Variants in AQP11 observed in about 807,000 individuals in gnomAD.
AQP11 encodes aquaporin 11, also known as aquaporin-11.
A neutral mutation model predicts 21.1 loss-of-function variants in AQP11; 20 were observed. The ratio of observed to expected loss-of-function variants is 0.95; its 90% CI spans 0.67 to 1.38. The LOEUF (loss-of-function observed/expected upper bound fraction) is 1.38, where lower values mean the gene tolerates loss of function less well. Among genes scored for constraint, AQP11 ranks in the 40% most tolerant of loss-of-function variants. The pLI, the probability that AQP11 is intolerant of heterozygous loss-of-function variation, is 0.00. For synonymous variants in AQP11, 167 were observed against 150.1 expected (o/e 1.11, Z -0.82); for missense variants, 339 against 340.4 (o/e 1.00, Z 0.03).
intron 1 of AQP11, among the ~76,000 whole-genome samples, chr11:77,594,885 C>T (rs1190687527): frequency 4.7e-5 from 7 of 148,592 alleles, no homozygotes; most frequent in East Asian, 3.9e-4. Context: ...CTCCCCTAAT[C>T]GTGTAAAAAA....
Position 77,589,990 on chromosome 11 carries a change from G to T in AQP11, c.-3G>T, listed in dbSNP as rs2135741464. ...CGCAACCCGCTCAGGCGGCGACGGA[G>T]CCATGTCGCCGCTGCTGGGGCTCCG... is the stretch of plus-strand genomic sequence containing the variant. On this transcript the variant is annotated 5_prime_UTR_variant, in exon 1 of 3. Coordinates refer to ENST00000313578, the MANE Select transcript of AQP11 (RefSeq NM_173039.3). 1 of 1,482,334 alleles carries T rather than the reference G, an allele frequency of 6.7e-7. No individual in the cohort carries two copies. 91.8% of individuals were successfully genotyped at this position (1,482,334 alleles called of 1,614,324 possible).
intron 1 of AQP11, among the ~76,000 whole-genome samples, chr11:77,601,999 C>G (rs1958818146): frequency 6.6e-6 from 1 of 152,172 alleles, no homozygotes; most frequent in African/African-American, 2.4e-5. Context: ...CTGCTGCATT[C>G]TATCAACACA....
chr11:77,591,166 ATT>A (rs778041522), intron 1 of AQP11: 2 of 952,922 alleles, frequency 2.1e-6, no homozygotes, highest in Non-Finnish European at 2.5e-6. Context: ...TTAATAATTC[ATT>A]TTGAGTTATA....
chr11:77,605,824 C>T (rs559829941), intron 2 of AQP11, among the ~76,000 whole-genome samples: 7 of 151,850 alleles, frequency 4.6e-5, no homozygotes, highest in South Asian at 2.1e-4. Flanking sequence ...TTTGGGAGGC[C>T]GAGGTGCGTG....
At chr11:77,590,801 T>C in intron 1 of AQP11, 190 bp downstream of exon 1, 2 of 985,456 alleles carry the variant, frequency 2.0e-6, no homozygotes, top group Non-Finnish European at 2.4e-6. Flanking sequence ...CATGCAGTGC[T>C]GCTTTGAACA....
In AQP11 at chr11:77,596,451, A is replaced by AT. The variant is rs1208936681; in HGVS notation, c.619+5840_619+5841insT. Among the ~76,000 whole-genome samples, 930 of 116,882 alleles carry AT rather than the reference A, an allele frequency of 8.0e-3. 10 individuals carry two copies. The highest frequency in any genetic ancestry group is 0.01 in the African/African-American group (275 of 26,938). 76.7% of individuals were successfully genotyped at this position (116,882 alleles called of 152,430 possible). On this transcript the variant is annotated intron_variant, in intron 1 of 2. Transcript: ENST00000313578. Reference sequence around the variant, plus strand: ...GCGAGACTATGTCTCAATTAAAAAAAAAAAATATATATATATATGTAAATA... The same window carrying AT: ...GCGAGACTATGTCTCAATTAAAAAAATAAAAATATATATATATATGTAAATA...
At position 77,608,758 on chromosome 11, in the gene AQP11, GA is replaced by G. The variant is rs1301496974; in HGVS notation, c.737-534del. ...AGTTAAATAAGGTTGAGATAAAAAT[GA>G]AAAAACTGTTAATAGTTGAGATTAA... is the stretch of plus-strand genomic sequence containing the variant. On this transcript the variant is annotated intron_variant, in intron 2 of 2. Transcript: ENST00000313578. Among the ~76,000 whole-genome samples the G allele has an allele frequency of 2.6e-5, 4 of 152,278 alleles. No homozygotes were observed. In the South Asian group the frequency reaches 8.3e-4, roughly 32 times the overall value.
chr11:77,600,882 G>T (rs1958811768), intron 1 of AQP11, among the ~76,000 whole-genome samples: 1 of 152,008 alleles, frequency 6.6e-6, no homozygotes, highest in South Asian at 2.1e-4. Context: ...CGTGGTGGCG[G>T]GCGCCTGTAG....
At position 77,603,361 on chromosome 11, in the gene AQP11, C is replaced by CT. The variant is rs1644168565; in HGVS notation, c.620-194dup. Among the ~76,000 whole-genome samples, 3 of 152,068 alleles carry CT rather than the reference C, an allele frequency of 2.0e-5. No homozygotes were observed. The South Asian group carries it at 6.2e-4, about 31-fold the overall frequency. ...CACTGGGTTCAAACTTTAATGTCCT[C>CT]TGTCTTTTTTTTTATAGTAAGTGGC... is the stretch of plus-strand genomic sequence containing the variant. On this transcript the variant is annotated intron_variant, in intron 1 of 2. Coordinates refer to ENST00000313578, the MANE Select transcript of AQP11 (RefSeq NM_173039.3).
chr11:77,600,840 G>T (rs997660221), intron 1 of AQP11, among the ~76,000 whole-genome samples: 2 of 151,888 alleles, frequency 1.3e-5, no homozygotes, highest in African/African-American at 4.8e-5. Context: ...GTGAAACCCC[G>T]TCTCTACTAA....
chr11:77,606,502 C>T (rs552213498), intron 2 of AQP11, among the ~76,000 whole-genome samples: 3 of 152,106 alleles, frequency 2.0e-5, no homozygotes, highest in East Asian at 1.9e-4. Flanking sequence ...CCTAATAATC[C>T]GAACATTCCC....
In AQP11 at chr11:77,590,573, A is replaced by C. The variant is rs753623457; in HGVS notation, c.581A>C (p.His194Pro). The change falls in exon 1 of 3, where the codon CAC becomes CCC. Residue 194 changes from histidine (H) to proline (P), a missense_variant. Physicochemically the swap from His to Pro is moderately conservative, Grantham distance 77. Coordinates refer to ENST00000313578, the MANE Select transcript of AQP11 (RefSeq NM_173039.3). ...FQEVRTKLRIHLLAALITFLV... is the reference protein window; with the variant it reads ...FQEVRTKLRIPLLAALITFLV... ...GAAGTCCGAACCAAGCTTCGTATCC[A>C]CCTGCTGGCTGCACTCATCACCTTT... 9 of 1,614,080 alleles carry C rather than the reference A, an allele frequency of 5.6e-6. No individual in the cohort carries two copies. The highest frequency in any genetic ancestry group is 7.6e-6 in the Non-Finnish European group (9 of 1,180,006).
chr11:77,594,906 G>C (rs1389286675), intron 1 of AQP11, among the ~76,000 whole-genome samples: 2 of 151,720 alleles, frequency 1.3e-5, no homozygotes, highest in Non-Finnish European at 2.9e-5. Context: ...AAAAAAAGCT[G>C]TGCGATTTAT....
chr11:77,597,442 C>T (rs572784225), intron 1 of AQP11, among the ~76,000 whole-genome samples: 8 of 152,200 alleles, frequency 5.3e-5, no homozygotes, highest in African/African-American at 4.8e-5. Context: ...CATGGTGGCT[C>T]GCGCCTGTAG....
intron 1 of AQP11, among the ~76,000 whole-genome samples, chr11:77,596,537 A>AATATATATATAT (rs529433093): frequency 0.015 from 1,259 of 86,406 alleles, 49 homozygotes; most frequent in Admixed American, 0.028. Context: ...TATATATGTA[A>AATATATATATAT]ATATATATAT....
At chr11:77,603,429 T>A (rs1286825362) in intron 1 of AQP11, 127 bp from the exon 2 acceptor site, 1 of 632,384 alleles carries the variant, frequency 1.6e-6, no homozygotes. Flanking sequence ...GCCAGGTGAT[T>A]CTGCAAAGGA....
chr11:77,592,931 G>A (rs1034828085), intron 1 of AQP11, among the ~76,000 whole-genome samples: 16 of 152,316 alleles, frequency 1.1e-4, no homozygotes, highest in Admixed American at 6.5e-4. Flanking sequence ...CCTAGGCAGC[G>A]GTGTATTGTA....
rs1958814977 is a variant in AQP11, at chr11:77,601,394, G to A, written c.620-2162G>A. On this transcript the variant is annotated intron_variant, in intron 1 of 2. Transcript: ENST00000313578. ...GACAGGATCTCACTCTGTCACCCAG[G>A]CTGGAGAGCGGTGGCACAATCTCGA... 2.0e-5 allele frequency among the ~76,000 whole-genome samples: 3 copies of A among 148,742 alleles called. No individual in the cohort carries two copies. In the Admixed American group the frequency reaches 2.0e-4, roughly 10 times the overall value.
At chr11:77,590,669 A>T in intron 1 of AQP11, 58 bp downstream of exon 1, 1 of 1,541,718 alleles carries the variant, frequency 6.5e-7, no homozygotes, top group Non-Finnish European at 8.7e-7. Context: ...ATGAGGCTGT[A>T]AGTTCTTTAC....
Sources: gnomAD v4.1 joint callset for allele counts (sites outside exome capture counted in the v4.1 genomes callset) on GRCh38, gnomAD v4.1.1 for gene constraint, MANE v1.5 for transcripts, NCBI Gene and HGNC (gene_info 2026-07-23, HGNC 2026-07-21) for gene names.